The following NSUN6 variants were observed in gnomAD, a reference collection of about 807,000 sequenced individuals.
NSUN6 encodes the protein NOP2/Sun RNA methyltransferase 6, also known as tRNA (cytosine(72)-C(5))-methyltransferase NSUN6.
NSUN6 carries 64 observed loss-of-function variants against 58.0 expected under a neutral mutation model. The observed-to-expected ratio is 1.10, with a 90% CI of 0.90 to 1.36. The LOEUF (loss-of-function observed/expected upper bound fraction) is 1.36, where lower values mean the gene tolerates loss of function less well. Ranked by LOEUF, NSUN6 falls within the 40% of genes most tolerant of loss-of-function variation. The probability of loss-of-function intolerance (pLI) is 0.00; values close to 1 mark genes in which losing one functional copy is unlikely to be tolerated. For synonymous variants in NSUN6, 231 were observed against 193.9 expected, an observed-to-expected ratio of 1.19 and a Z score of -1.59; for missense variants, 701 against 550.1, an observed-to-expected ratio of 1.27 and a Z score of -2.74.
At chr10:18,632,467 C>A (rs1260542059) in intron 3 of NSUN6, among the ~76,000 whole-genome samples, 3 of 147,614 alleles carry the variant, frequency 2.0e-5, no homozygotes, top group Admixed American at 6.9e-5. Context: ...AGTGAACAGG[C>A]AACCTACAAA....
intron 8 of NSUN6, among the ~76,000 whole-genome samples, chr10:18,584,802 T>C (rs1223247135): frequency 6.6e-6 from 1 of 151,774 alleles, no homozygotes; most frequent in Non-Finnish European, 1.5e-5. Flanking sequence ...CAACTTGCCA[T>C]GTACTAGGGA....
intron 9 of NSUN6, among the ~76,000 whole-genome samples, chr10:18,551,292 G>GTGTGTGTGTGTGTGTGTGTGTGT: frequency 6.9e-6 from 1 of 144,886 alleles, no homozygotes; most frequent in Non-Finnish European, 1.5e-5. Context: ...GTGTGTGTGT[G>GTGTGTGTGTGTGTGTGTGTGTGT]GTAAAATATA....
chr10:18,649,317 G>C (rs1209073299), intron 1 of NSUN6, among the ~76,000 whole-genome samples: 1 of 152,044 alleles, frequency 6.6e-6, no homozygotes, highest in African/African-American at 2.4e-5. Flanking sequence ...CTTCCTATTT[G>C]ACTAAACCCT....
chr10:18,596,182 T>G, intron 7 of NSUN6, 26 bp downstream of exon 7: 1 of 1,589,458 alleles, frequency 6.3e-7, no homozygotes, highest in Non-Finnish European at 8.6e-7. Flanking sequence ...ACTTTGAGAG[T>G]GGATTTGCTG....
intron 6 of NSUN6, among the ~76,000 whole-genome samples, chr10:18,601,526 G>T (rs1182461550): frequency 1.6e-5 from 1 of 62,310 alleles, no homozygotes; most frequent in Non-Finnish European, 3.3e-5. Context: ...TTTCCTAGTG[G>T]CTGGACTAAG....
upstream of NSUN6, among the ~76,000 whole-genome samples, chr10:18,657,983 A>C (rs1461863154): frequency 1.2e-4 from 1 of 8,518 alleles, no homozygotes; most frequent in Non-Finnish European, 3.6e-4. Context: ...CGAAAGCCAG[A>C]AAAAAAAAAA....
chr10:18,625,231 T>C (rs2058749943), intron 3 of NSUN6, among the ~76,000 whole-genome samples: 1 of 152,308 alleles, frequency 6.6e-6, no homozygotes, highest in East Asian at 1.9e-4. Flanking sequence ...CTGTGAGTCT[T>C]AGCCAATCAC....
chr10:18,552,427 T>C (rs2054664127), intron 8 of NSUN6, among the ~76,000 whole-genome samples: 1 of 152,290 alleles, frequency 6.6e-6, no homozygotes, highest in African/African-American at 2.4e-5. Context: ...AGAATGGCTA[T>C]GGTCTAGAAT....
At chr10:18,618,828 T>C (rs1314618988) in intron 3 of NSUN6, among the ~76,000 whole-genome samples, 2 of 152,116 alleles carry the variant, frequency 1.3e-5, no homozygotes, top group Admixed American at 6.6e-5. Flanking sequence ...TTGGGTCTAA[T>C]CTGCTGTTTA....
At chr10:18,653,281 A>G (rs2059740168), upstream of NSUN6, 3 of 982,102 alleles carry the variant, frequency 3.1e-6, no homozygotes, top group Non-Finnish European at 3.6e-6. Flanking sequence ...ATGGATGAAC[A>G]TCTCTATAAA....
chr10:18,596,335 GA>G lies in NSUN6; in HGVS notation c.658-9del. On this transcript the variant is annotated splice_polypyrimidine_tract_variant and intron_variant, in intron 6 of 10. Coordinates refer to ENST00000377304, the MANE Select transcript of NSUN6 (RefSeq NM_182543.5). ...TAAGGCAGATGGCAAATTCTATAAG[GA>G]AAAAAATGTAATCGATTATCAATAA... The G allele has an allele frequency of 1.3e-5, 20 of 1,534,282 alleles. No individual in the cohort carries two copies. The highest frequency in any genetic ancestry group is 1.8e-5 in the Non-Finnish European group (20 of 1,112,078).
chr10:18,548,012 T>G, intron 10 of NSUN6, 100 bp downstream of exon 10: 1 of 1,139,834 alleles, frequency 8.8e-7, no homozygotes, highest in South Asian at 1.5e-5. Flanking sequence ...GTGTTCACTT[T>G]GGAAGTTTTA....
At chr10:18,600,508 C>G (rs1453298041) in intron 6 of NSUN6, among the ~76,000 whole-genome samples, 2 of 152,094 alleles carry the variant, frequency 1.3e-5, no homozygotes, top group African/African-American at 2.4e-5. Context: ...ACCTATAGTA[C>G]CAGCTCCTTG....
chr10:18,625,638 G>C (rs559148085), intron 3 of NSUN6, among the ~76,000 whole-genome samples: 2 of 149,128 alleles, frequency 1.3e-5, no homozygotes, highest in Non-Finnish European at 3.0e-5. Context: ...ACTTGAATCC[G>C]GGACGCAAAA....
Position 18,638,595 on chromosome 10 carries a change from T to G in NSUN6, c.311+3881A>C, listed in dbSNP as rs1176786814. Reference sequence around the variant, plus strand: ...TGTTACAAGGAGGAAAAGTTTTTGGTGGGCCTTAGATTTCTTCACAATAAC... The same window carrying G: ...TGTTACAAGGAGGAAAAGTTTTTGGGGGGCCTTAGATTTCTTCACAATAAC... On this transcript the variant is annotated intron_variant, in intron 3 of 10. Coordinates refer to ENST00000377304, the MANE Select transcript of NSUN6 (RefSeq NM_182543.5). Among the ~76,000 whole-genome samples the G allele has an allele frequency of 6.6e-5, 10 of 152,298 alleles. No individual in the cohort carries two copies. In the East Asian group the frequency reaches 1.9e-3, roughly 29 times the overall value.
chr10:18,622,308 G>C (rs1322688345), intron 3 of NSUN6, among the ~76,000 whole-genome samples: 1 of 152,176 alleles, frequency 6.6e-6, no homozygotes. Flanking sequence ...CATCGCAGAA[G>C]AGGGCACTCA....
At chr10:18,577,427 C>T (rs891795488) in intron 8 of NSUN6, among the ~76,000 whole-genome samples, 5 of 152,046 alleles carry the variant, frequency 3.3e-5, no homozygotes, top group African/African-American at 7.2e-5. Flanking sequence ...CCCTCGCAGC[C>T]GTAATGGGTG....
At position 18,565,132 on chromosome 10, in the gene NSUN6, C is replaced by A. The variant is rs2055830832; in HGVS notation, c.923-13161G>T. 2.0e-5 allele frequency among the ~76,000 whole-genome samples: 3 copies of A among 151,008 alleles called. No individual in the cohort carries two copies. The South Asian group carries it at 6.3e-4, about 32-fold the overall frequency. On this transcript the variant is annotated intron_variant, in intron 8 of 10. Coordinates refer to ENST00000377304, the MANE Select transcript of NSUN6 (RefSeq NM_182543.5). ...TTCCATTCCATTCTCCATTCTATTC[C>A]ATTCTCCATTGCATACCATTCTCCA...
intron 3 of NSUN6, among the ~76,000 whole-genome samples, chr10:18,624,406 T>C (rs989638636): frequency 3.3e-5 from 5 of 151,810 alleles, no homozygotes; most frequent in Non-Finnish European, 7.4e-5. Context: ...CTGGGTGCGG[T>C]GGCTCATGCC....
Sources: gnomAD v4.1 joint callset for allele counts (sites outside exome capture counted in the v4.1 genomes callset) on GRCh38, gnomAD v4.1.1 for gene constraint, MANE v1.5 for transcripts, NCBI Gene and HGNC (gene_info 2026-07-23, HGNC 2026-07-21) for gene names.